ZNF486: variants seen among roughly 807,000 people sequenced by gnomAD.
The protein encoded by ZNF486 is KRAB box only protein 2.
ZNF486 carries 12 observed loss-of-function variants against 12.8 expected under a neutral mutation model. The ratio of observed to expected loss-of-function variants is 0.94; its 90% CI spans 0.60 to 1.52. The LOEUF (loss-of-function observed/expected upper bound fraction) is 1.52, where lower values mean the gene tolerates loss of function less well. Among genes scored for constraint, ZNF486 ranks in the 40% most tolerant of loss-of-function variants. The probability of loss-of-function intolerance (pLI) is 0.00; values close to 1 mark genes in which losing one functional copy is unlikely to be tolerated. For missense variants in ZNF486, 738 were observed against 545.0 expected (o/e 1.35, Z -3.53); for synonymous variants, 231 against 184.9 (o/e 1.25, Z -2.02).
At chr19:20,186,139 A>C in intron 3 of ZNF486, 57 bp downstream of exon 3, 3 of 1,360,418 alleles carry the variant, frequency 2.2e-6, no homozygotes, top group Admixed American at 5.0e-5. Context: ...TCCCAAGGTC[A>C]AAAAGAAAGC....
Position 20,184,366 on chromosome 19 carries a change from A to G in ZNF486, c.41A>G (p.Gln14Arg). 6.2e-7 allele frequency: 1 copy of G among 1,613,052 alleles called. No individual in the cohort carries two copies. Among genetic ancestry groups the G allele is most frequent in the Middle Eastern group, 1.7e-4 (1 of 6,042 alleles). ...PLRSLEMESL[Q>R]FRDVAVEFSL... ...GTGTGTGTTTTTCAGGAATCATTGC[A>G]ATTTAGAGATGTGGCTGTAGAATTC... is the stretch of plus-strand genomic sequence containing the variant. Residue 14 changes from glutamine to arginine, a missense_variant, in exon 2 of 4, where the codon CAA becomes CGA. By Grantham distance (43) the Gln-to-Arg change is conservative. Transcript: ENST00000335117.
intron 3 of ZNF486, among the ~76,000 whole-genome samples, chr19:20,187,114 C>T (rs1599710749): frequency 6.6e-6 from 1 of 151,668 alleles, no homozygotes; most frequent in African/African-American, 2.4e-5. Flanking sequence ...ATTTTTTTAC[C>T]TCCTTGGTTT....
chr19:20,178,630 T>G (rs1438163405), intron 1 of ZNF486, among the ~76,000 whole-genome samples: 1 of 152,256 alleles, frequency 6.6e-6, no homozygotes, highest in Non-Finnish European at 1.5e-5. Flanking sequence ...AACCAGAATT[T>G]AGCAAGGCCT....
At chr19:20,177,075 C>G (rs1337636232) in intron 1 of ZNF486, 1 of 152,282 alleles carries the variant, frequency 6.6e-6, no homozygotes, top group Admixed American at 6.5e-5. Context: ...TCAGGCCTCA[C>G]TCTCTGATGT....
intron 3 of ZNF486, among the ~76,000 whole-genome samples, chr19:20,193,109 C>T (rs1262560000): frequency 6.6e-6 from 1 of 151,978 alleles, no homozygotes; most frequent in Non-Finnish European, 1.5e-5. Context: ...CTGGAGATTA[C>T]ATACATCTTA....
At position 20,198,212 on chromosome 19, in the gene ZNF486, G is replaced by A. The variant is rs532943533; in HGVS notation, c.*110G>A. The A allele has an allele frequency of 1.0e-4, 95 of 909,172 alleles. No individual in the cohort carries two copies. The African/African-American group carries it at 1.5e-3, about 15-fold the overall frequency. 56.3% of individuals were successfully genotyped at this position (909,172 alleles called of 1,614,324 possible). ...GCTCACCACAACCTCCACCTTCTGG[G>A]TTCAAGTAACTCTCCTTAGTAGCTA... On this transcript the variant is annotated 3_prime_UTR_variant, in exon 4 of 4. Transcript: ENST00000335117.
At chr19:20,167,660 C>T (rs1555713218) in intron 1 of ZNF486, among the ~76,000 whole-genome samples, 1 of 152,160 alleles carries the variant, frequency 6.6e-6, no homozygotes, top group African/African-American at 2.4e-5. Flanking sequence ...ACGAGAAGGT[C>T]ATCAGGGGAG....
chr19:20,179,213 A>G (rs139022032), intron 1 of ZNF486, among the ~76,000 whole-genome samples: 2 of 152,200 alleles, frequency 1.3e-5, no homozygotes, highest in Non-Finnish European at 2.9e-5. Context: ...AATTAAACTA[A>G]TGATGCCACA....
At chr19:20,180,863 A>G (rs113984459) in intron 1 of ZNF486, among the ~76,000 whole-genome samples, 11,939 of 152,192 alleles carry the variant, frequency 0.078, 722 homozygotes, top group African/African-American at 0.17. Context: ...AAGTGTACAT[A>G]TTGATTTTCT....
At chr19:20,195,677 C>T (rs1335820730) in intron 3 of ZNF486, among the ~76,000 whole-genome samples, 1 of 152,150 alleles carries the variant, frequency 6.6e-6, no homozygotes, top group African/African-American at 2.4e-5. Flanking sequence ...ATTGTCTTGG[C>T]TAGAGATTCT....
chr19:20,196,543 T>G (rs782602508), intron 3 of ZNF486, among the ~76,000 whole-genome samples: 5 of 152,114 alleles, frequency 3.3e-5, no homozygotes, highest in African/African-American at 4.8e-5. Flanking sequence ...TTGGCCAGGA[T>G]GGCCTTGAAC....
At chr19:20,192,779 CAG>C (rs2089915041) in intron 3 of ZNF486, among the ~76,000 whole-genome samples, 1 of 152,102 alleles carries the variant, frequency 6.6e-6, no homozygotes, top group Non-Finnish European at 1.5e-5. Flanking sequence ...TTTGTAGAGA[CAG>C]AGTTTTGCCA....
At chr19:20,184,967 C>T (rs370409410) in intron 2 of ZNF486, among the ~76,000 whole-genome samples, 124 of 152,102 alleles carry the variant, frequency 8.2e-4, no homozygotes, top group Non-Finnish European at 1.6e-3. Flanking sequence ...CAAAATTAGT[C>T]GTTTATGGTG....
chr19:20,192,698 T>A (rs2089914241), intron 3 of ZNF486, among the ~76,000 whole-genome samples: 1 of 152,186 alleles, frequency 6.6e-6, no homozygotes, highest in African/African-American at 2.4e-5. Flanking sequence ...CAGATGATCC[T>A]CTCATTTTAG....
intron 1 of ZNF486, among the ~76,000 whole-genome samples, chr19:20,173,303 C>T (rs2089670297): frequency 6.6e-6 from 1 of 152,088 alleles, no homozygotes; most frequent in African/African-American, 2.4e-5. Flanking sequence ...ATTCTAGCAC[C>T]ATTTATTAAA....
chr19:20,172,934 C>T (rs1054771616), intron 1 of ZNF486, among the ~76,000 whole-genome samples: 7 of 152,188 alleles, frequency 4.6e-5, no homozygotes, highest in Admixed American at 3.9e-4. Flanking sequence ...AGTCACCACG[C>T]CCAGCCAAGT....
intron 1 of ZNF486, among the ~76,000 whole-genome samples, chr19:20,178,497 C>T (rs2089748639): frequency 6.6e-6 from 1 of 152,190 alleles, no homozygotes; most frequent in Non-Finnish European, 1.5e-5. Context: ...CTGTCTCGGC[C>T]TCCCAAAGTG....
intron 3 of ZNF486, among the ~76,000 whole-genome samples, chr19:20,194,856 TATAA>T (rs1415741569): frequency 6.0e-4 from 92 of 152,336 alleles, no homozygotes; most frequent in African/African-American, 1.9e-3. Flanking sequence ...ATGTGTTTGT[TATAA>T]ATATATTTGT....
At position 20,170,193 on chromosome 19, in the gene ZNF486, G is replaced by T. The variant is rs375654185; in HGVS notation, c.30+2833G>T. 1.5e-3 allele frequency among the ~76,000 whole-genome samples: 225 copies of T among 148,384 alleles called. 1 individual carries two copies. Among genetic ancestry groups the T allele is most frequent in the African/African-American group, 5.3e-3 (217 of 40,842 alleles). ...ATTACAGGCGTGAGCCACCGCGCCC[G>T]GCCAAAATGGGGTGTATGTTGACTC... is the stretch of plus-strand genomic sequence containing the variant. On this transcript the variant is annotated intron_variant, in intron 1 of 3. Coordinates refer to ENST00000335117, the MANE Select transcript of ZNF486 (RefSeq NM_052852.4).
Sources: allele counts gnomAD v4.1 joint callset (sites outside exome capture counted in the v4.1 genomes callset), GRCh38; gene constraint gnomAD v4.1.1; transcripts MANE v1.5; gene names NCBI Gene and HGNC (gene_info 2026-07-23, HGNC 2026-07-21).